The following INPP5D variants were observed in gnomAD, a reference collection of about 807,000 sequenced individuals.
INPP5D encodes inositol polyphosphate-5-phosphatase D, also known as phosphatidylinositol 3,4,5-trisphosphate 5-phosphatase 1.
INPP5D carries 33 observed loss-of-function variants against 122.9 expected under a neutral mutation model. That is an observed-to-expected ratio of 0.27 (90% confidence interval 0.20 to 0.36). The LOEUF is 0.36. INPP5D is among the 10% of genes least tolerant of loss of function. The pLI, the probability that INPP5D is intolerant of heterozygous loss-of-function variation, is 1.00. For missense variants in INPP5D, 1,053 were observed against 1,412.7 expected (o/e 0.75, Z 4.08); for synonymous variants, 584 against 576.2 (o/e 1.01, Z -0.19).
chr2:233,103,702 C>G (rs202021825), intron 2 of INPP5D, among the ~76,000 whole-genome samples: 1 of 116,162 alleles, frequency 8.6e-6, no homozygotes, highest in South Asian at 2.8e-4. Context: ...AAAAGTAGTT[C>G]TTTTTTTTTT....
chr2:233,155,347 G>A (rs982803046), intron 9 of INPP5D, among the ~76,000 whole-genome samples: 1 of 152,168 alleles, frequency 6.6e-6, no homozygotes, highest in African/African-American at 2.4e-5. Context: ...TCAGGGCTGG[G>A]TGCAGTGGCT....
chr2:233,148,721 G>A (rs1473307811), intron 9 of INPP5D, among the ~76,000 whole-genome samples: 1 of 151,980 alleles, frequency 6.6e-6, no homozygotes, highest in Non-Finnish European at 1.5e-5. Flanking sequence ...TGGCCAATGG[G>A]TTCCCCCGAG....
rs1693244100 is a variant in INPP5D at position 233,128,978 on chromosome 2, C to G, written c.525-1530C>G. Among the ~76,000 whole-genome samples the G allele has an allele frequency of 6.6e-6, 1 of 152,056 alleles. No individual in the cohort carries two copies. Among genetic ancestry groups the G allele is most frequent in the Non-Finnish European group, 1.5e-5 (1 of 68,030 alleles). On this transcript the variant is annotated intron_variant, in intron 4 of 26. Coordinates refer to ENST00000445964, the MANE Select transcript of INPP5D (RefSeq NM_001017915.3). The surrounding 1 kb of genome is among the most constrained non-coding windows in gnomAD (Gnocchi z 4.5). ...GTGGATCACCTGAGGTCAGCCTGGCCAACATGGTAAAACTCCACCTCTACT... is the reference window on the plus strand; with the variant it reads ...GTGGATCACCTGAGGTCAGCCTGGCGAACATGGTAAAACTCCACCTCTACT...
At chr2:233,125,966 C>A in intron 4 of INPP5D, 47 bp downstream of exon 4, 1 of 1,578,948 alleles carries the variant, frequency 6.3e-7, no homozygotes. Context: ...GCAGTGAGCC[C>A]AGCCAGGGCA....
rs752665324 is a variant in INPP5D, at chr2:233,121,118, TTTC to T, written c.199-986_199-984del. Among the ~76,000 whole-genome samples, 946 of 111,106 alleles carry T rather than the reference TTTC, an allele frequency of 8.5e-3. 5 individuals are homozygous for T. Among genetic ancestry groups the T allele is most frequent in the African/African-American group, 0.032 (863 of 27,190 alleles). The allele number at this position is 111,106 out of a possible 152,430, so 72.9% of individuals were successfully genotyped here. A position where few individuals can be genotyped will look rare whatever the true frequency, so the allele number is the denominator to read the frequency against. ...GGTGATTTCTTTCTTTCTTTCTTTC[TTTC>T]TTTTTTTTTTTTCTTTTTTTTTTTT... On this transcript the variant is annotated intron_variant, in intron 2 of 26. Transcript: ENST00000445964.
chr2:233,085,105 G>T (rs1691795643), intron 2 of INPP5D, among the ~76,000 whole-genome samples: 1 of 152,170 alleles, frequency 6.6e-6, no homozygotes, highest in Non-Finnish European at 1.5e-5. Flanking sequence ...AGTGTTACAG[G>T]CTGGGTGCAG....
chr2:233,061,707 C>T (rs1691079329), intron 1 of INPP5D, among the ~76,000 whole-genome samples: 1 of 152,210 alleles, frequency 6.6e-6, no homozygotes, highest in Admixed American at 6.5e-5. Context: ...GTTAAAAGCC[C>T]CACTTTGCAG....
chr2:233,195,265 G>T (rs1695151188), intron 23 of INPP5D, 134 bp from the exon 24 acceptor site: 26 of 1,363,510 alleles, frequency 1.9e-5, no homozygotes, highest in Non-Finnish European at 2.3e-5. Context: ...TCAGAATCTT[G>T]CTTAACTCAC....
chr2:233,121,080 T>C (rs1390530862), intron 2 of INPP5D, among the ~76,000 whole-genome samples: 1 of 151,312 alleles, frequency 6.6e-6, no homozygotes, highest in Non-Finnish European at 1.5e-5. Flanking sequence ...TATCTTGGGG[T>C]TGTGGGATTA....
chr2:233,149,709 C>G (rs181295563), intron 9 of INPP5D, among the ~76,000 whole-genome samples: 1 of 152,184 alleles, frequency 6.6e-6, no homozygotes, highest in East Asian at 1.9e-4. Flanking sequence ...TGCAAGTAGC[C>G]CAGTCTTGAG....
chr2:233,079,965 T>G (rs1304485921), intron 2 of INPP5D, among the ~76,000 whole-genome samples: 1 of 152,196 alleles, frequency 6.6e-6, no homozygotes. Flanking sequence ...GTTTCACTCT[T>G]GTCACCCAGG....
At chr2:233,146,990 T>C (rs1693779425) in intron 8 of INPP5D, among the ~76,000 whole-genome samples, 1 of 152,114 alleles carries the variant, frequency 6.6e-6, no homozygotes, top group African/African-American at 2.4e-5. Context: ...CTAGACCTGG[T>C]GATTATCCTC....
At chr2:233,083,243 G>A (rs984990314) in intron 2 of INPP5D, among the ~76,000 whole-genome samples, 11 of 152,212 alleles carry the variant, frequency 7.2e-5, no homozygotes, top group Admixed American at 2.0e-4. Context: ...ACAGCAGGGA[G>A]CTGGAGGTGC....
intron 2 of INPP5D, among the ~76,000 whole-genome samples, chr2:233,102,301 T>C (rs1692336511): frequency 6.6e-6 from 1 of 152,160 alleles, no homozygotes; most frequent in Non-Finnish European, 1.5e-5. Flanking sequence ...TGTTACCCCA[T>C]GATGCTGTAA....
intron 6 of INPP5D, chr2:233,141,577 AG>A (rs1329681679): frequency 1.8e-3 from 77 of 42,830 alleles, no homozygotes; most frequent in African/African-American, 5.2e-3. Flanking sequence ...CATCTAAAAC[AG>A]AAAAAAAAAA....
intron 2 of INPP5D, among the ~76,000 whole-genome samples, chr2:233,113,267 C>G (rs1402179229): frequency 6.6e-6 from 1 of 152,170 alleles, no homozygotes; most frequent in African/African-American, 2.4e-5. Flanking sequence ...CAGCTGCTCC[C>G]TCGTCCCCAC....
At chr2:233,157,565 C>T (rs1694087138) in intron 9 of INPP5D, among the ~76,000 whole-genome samples, 1 of 152,104 alleles carries the variant, frequency 6.6e-6, no homozygotes, top group Non-Finnish European at 1.5e-5. Context: ...CTTATCTGGC[C>T]AAAATTATGA....
intron 25 of INPP5D, among the ~76,000 whole-genome samples, chr2:233,201,825 T>C (rs1365229695): frequency 6.6e-6 from 1 of 152,180 alleles, no homozygotes; most frequent in East Asian, 1.9e-4. Flanking sequence ...CTCCTGAATC[T>C]GAGAAGTACA....
chr2:233,144,669 G>C (rs1454254675), intron 6 of INPP5D, among the ~76,000 whole-genome samples: 1 of 67,394 alleles, frequency 1.5e-5, no homozygotes, highest in African/African-American at 3.5e-5. Context: ...AGATGGTGGT[G>C]GTGATGGTGA....
Sources: allele counts gnomAD v4.1 joint callset (sites outside exome capture counted in the v4.1 genomes callset), GRCh38; gene constraint gnomAD v4.1.1; non-coding constraint Gnocchi (gnomAD v3.1); transcripts MANE v1.5; gene names NCBI Gene and HGNC (gene_info 2026-07-23, HGNC 2026-07-21).